CDCA2: variants seen among roughly 807,000 people sequenced by gnomAD.
The protein encoded by CDCA2 is cell division cycle-associated protein 2.
In CDCA2, 44 loss-of-function variants were observed where a neutral mutation model predicts 67.0. The observed-to-expected ratio is 0.66, with a 90% CI of 0.52 to 0.84. The LOEUF is 0.84. Ranked by LOEUF, CDCA2 falls within the 40% of genes least tolerant of loss-of-function variation. The pLI, the probability that CDCA2 is intolerant of heterozygous loss-of-function variation, is 0.00. For missense variants in CDCA2, 1,253 were observed against 1,203.2 expected, an observed-to-expected ratio of 1.04 and a Z score of -0.61; for synonymous variants, 447 against 418.7, an observed-to-expected ratio of 1.07 and a Z score of -0.82.
rs1395583403 is a variant in CDCA2 at position 25,462,155 on chromosome 8, C to T, written c.334C>T (p.Gln112Ter). 1 of 1,614,156 alleles carries T rather than the reference C, an allele frequency of 6.2e-7. No homozygotes were observed. The highest frequency in any genetic ancestry group is 1.7e-5 in the Admixed American group (1 of 60,024). The change falls in exon 4 of 15, where the codon CAA becomes TAA. Residue 112 changes from glutamine (Q) to a stop codon, truncating the protein, a stop_gained. Transcript: ENST00000330560. LOFTEE classifies it high-confidence loss of function. The part of the protein sequence containing the change: ...NHLIRFIARQ[Q>*]NIKNARKSPL... ...TCTGATTCGTTTCATTGCTCGGCAGCAAAATATAAAGAATGCTAGGAAATC... is the reference window on the plus strand; with the variant it reads ...TCTGATTCGTTTCATTGCTCGGCAGTAAAATATAAAGAATGCTAGGAAATC...
intron 13 of CDCA2, among the ~76,000 whole-genome samples, chr8:25,494,617 T>C (rs1319078767): frequency 6.6e-6 from 1 of 152,216 alleles, no homozygotes; most frequent in Non-Finnish European, 1.5e-5. Flanking sequence ...TGACTGTGTT[T>C]ACTGTTAAAA....
At position 25,480,047 on chromosome 8, in the gene CDCA2, C is replaced by T; in HGVS notation, c.955C>T (p.Leu319Phe). The T allele has an allele frequency of 6.2e-7, 1 of 1,614,154 alleles. No homozygotes were observed. The highest frequency in any genetic ancestry group is 1.1e-5 in the South Asian group (1 of 91,078). ...SPATPACRRD[L>F]PTPKTFVLRS... ...AGCTACTCCAGCCTGCAGGAGGGAC[C>T]TTCCCACCCCCAAGACCTTTGTACT... The change falls in exon 8 of 15, where the codon CTT becomes TTT. Residue 319 changes from leucine to phenylalanine, a missense_variant. Transcript: ENST00000330560.
chr8:25,473,337 C>T (rs1803231487), intron 7 of CDCA2, among the ~76,000 whole-genome samples: 5 of 152,162 alleles, frequency 3.3e-5, no homozygotes, highest in Non-Finnish European at 7.4e-5. Flanking sequence ...GAAGAACATT[C>T]TGTTCCTAGT....
In CDCA2 at chr8:25,462,171, C is replaced by T. The variant is rs1802720195; in HGVS notation, c.350C>T (p.Ala117Val). ...FIARQQNIKN[A>V]RKSPLAQDSP... ...GCTCGGCAGCAAAATATAAAGAATG[C>T]TAGGAAATCTCCTTTGGCACAAGAT... The change falls in exon 4 of 15, where the codon GCT becomes GTT. Residue 117 changes from alanine (A) to valine (V), a missense_variant. Physicochemically the swap from Ala to Val is moderately conservative, Grantham distance 64 (BLOSUM62 0). Transcript: ENST00000330560. The T allele has an allele frequency of 1.2e-6, 2 of 1,614,006 alleles. No individual in the cohort carries two copies. The highest frequency in any genetic ancestry group is 8.5e-7 in the Non-Finnish European group (1 of 1,179,970).
chr8:25,460,581 A>G (rs766200457), intron 3 of CDCA2, 27 bp downstream of exon 3: 3 of 1,590,616 alleles, frequency 1.9e-6, no homozygotes, highest in Non-Finnish European at 1.7e-6. Flanking sequence ...TTCTGTTGTA[A>G]TGCTTTTCAA....
chr8:25,486,114 G>GT (rs141915914), intron 11 of CDCA2, among the ~76,000 whole-genome samples: 3,735 of 152,264 alleles, frequency 0.025, 171 homozygotes, highest in African/African-American at 0.085. Context: ...CAACTCTTAA[G>GT]TATCAATGAC....
At chr8:25,482,974 G>A (rs1043433993) in intron 8 of CDCA2, among the ~76,000 whole-genome samples, 5 of 152,226 alleles carry the variant, frequency 3.3e-5, no homozygotes, top group Admixed American at 6.5e-5. Context: ...CAGGTTGTAT[G>A]TAAATAGTAT....
chr8:25,490,154 T>C (rs1363073600), intron 13 of CDCA2, among the ~76,000 whole-genome samples: 1 of 152,150 alleles, frequency 6.6e-6, no homozygotes, highest in East Asian at 1.9e-4. Flanking sequence ...ATACCATTAA[T>C]TCAAAAATAT....
In CDCA2 at chr8:25,469,911, G is replaced by C; in HGVS notation, c.751G>C (p.Gly251Arg). Residue 251 changes from glycine to arginine, a missense_variant, in exon 7 of 15, where the codon GGT becomes CGT. Physicochemically the swap from Gly to Arg is moderately radical, Grantham distance 125. Transcript: ENST00000330560. Reference protein sequence around the residue: ...VDLSEISSKLGSTQSGFLVEE... With the variant: ...VDLSEISSKLRSTQSGFLVEE... ...TTTCCCCAAGATATCATCTAAACTTGGTTCAACACAGTCTGGATTTTTAGT... is the reference window on the plus strand; with the variant it reads ...TTTCCCCAAGATATCATCTAAACTTCGTTCAACACAGTCTGGATTTTTAGT... 3 of 1,608,550 alleles carry C rather than the reference G, an allele frequency of 1.9e-6. No individual in the cohort carries two copies. The highest frequency in any genetic ancestry group is 2.6e-6 in the Non-Finnish European group (3 of 1,176,342).
At chr8:25,469,325 G>A (rs139338055) in intron 6 of CDCA2, among the ~76,000 whole-genome samples, 34 of 152,334 alleles carry the variant, frequency 2.2e-4, no homozygotes, top group African/African-American at 8.2e-4. Flanking sequence ...AATCTCGGCT[G>A]CCTCCGCCCT....
chr8:25,467,068 ACAC>A (rs1802941169), intron 5 of CDCA2, among the ~76,000 whole-genome samples: 17 of 105,784 alleles, frequency 1.6e-4, no homozygotes, highest in Non-Finnish European at 2.3e-4. Context: ...AAAAAAAAAC[ACAC>A]ACACACACAC....
intron 10 of CDCA2, among the ~76,000 whole-genome samples, chr8:25,485,377 A>G (rs1036654551): frequency 1.3e-5 from 2 of 152,084 alleles, no homozygotes; most frequent in Non-Finnish European, 2.9e-5. Context: ...ATCTGTATTT[A>G]TATTGCCATC....
intron 8 of CDCA2, among the ~76,000 whole-genome samples, chr8:25,481,742 G>A (rs1803580633): frequency 6.6e-6 from 1 of 152,140 alleles, no homozygotes; most frequent in Non-Finnish European, 1.5e-5. Flanking sequence ...TACTAAGATG[G>A]CAAAAATTAG....
At chr8:25,470,654 C>T (rs1803115726) in intron 7 of CDCA2, among the ~76,000 whole-genome samples, 1 of 152,104 alleles carries the variant, frequency 6.6e-6, no homozygotes, top group Non-Finnish European at 1.5e-5. Flanking sequence ...AGATCAATTT[C>T]CTCTCCTTTC....
At position 25,507,825 on chromosome 8, in the gene CDCA2, C is replaced by T. The variant is rs1177227179; in HGVS notation, c.*87C>T. 1 of 1,375,204 alleles carries T rather than the reference C, an allele frequency of 7.3e-7. No homozygotes were observed. Among genetic ancestry groups the T allele is most frequent in the Non-Finnish European group, 9.6e-7 (1 of 1,045,848 alleles). 85.2% of individuals were successfully genotyped at this position (1,375,204 alleles called of 1,614,324 possible). A position where few individuals can be genotyped will look rare whatever the true frequency, so the allele number is the denominator to read the frequency against. On this transcript the variant is annotated 3_prime_UTR_variant, in exon 15 of 15. Coordinates refer to ENST00000330560, the MANE Select transcript of CDCA2 (RefSeq NM_152562.4). ...GTCTAGTTCCCATTCTCTGTTCAAC[C>T]TCAGTGTTTCAAAAGTTCCTAATAA...
chr8:25,504,730 G>A (rs1804611540), intron 14 of CDCA2, among the ~76,000 whole-genome samples: 1 of 152,132 alleles, frequency 6.6e-6, no homozygotes, highest in African/African-American at 2.4e-5. Flanking sequence ...TTGTGACAGG[G>A]CATCCACCAC....
chr8:25,463,889 T>G (rs1430743461), intron 4 of CDCA2, among the ~76,000 whole-genome samples: 1 of 152,182 alleles, frequency 6.6e-6, no homozygotes, highest in Non-Finnish European at 1.5e-5. Flanking sequence ...CTGTTTCCAC[T>G]CAAGGCCTTG....
rs1337019491 is a variant in CDCA2 at position 25,480,057 on chromosome 8, C to G, written c.965C>G (p.Pro322Arg). ...GCCTGCAGGAGGGACCTTCCCACCCCCAAGACCTTTGTACTTCGTTCTGTA... is the reference window on the plus strand; with the variant it reads ...GCCTGCAGGAGGGACCTTCCCACCCGCAAGACCTTTGTACTTCGTTCTGTA... The part of the protein sequence containing the change: ...TPACRRDLPT[P>R]KTFVLRSVLK... Residue 322 changes from proline (P) to arginine (R), a missense_variant, in exon 8 of 15, where the codon CCC becomes CGC. Physicochemically the swap from Pro to Arg is moderately radical, Grantham distance 103. Transcript: ENST00000330560. 2 of 1,614,140 alleles carry G rather than the reference C, an allele frequency of 1.2e-6. No homozygotes were observed. The highest frequency in any genetic ancestry group is 1.7e-5 in the Admixed American group (1 of 60,018).
Position 25,507,598 on chromosome 8 carries a change from T to G in CDCA2, c.2932T>G (p.Phe978Val), listed in dbSNP as rs772038995. ...SDEPGKRRKS[F>V]CISTLANTKA... ...TGAACCTGGTAAGAGGAGGAAGAGC[T>G]TTTGTATATCTACACTTGCAAATAC... Residue 978 changes from phenylalanine to valine, a missense_variant, in exon 15 of 15, where the codon TTT becomes GTT. Physicochemically the swap from Phe to Val is conservative, Grantham distance 50 (BLOSUM62 -1). Coordinates refer to ENST00000330560, the MANE Select transcript of CDCA2 (RefSeq NM_152562.4). The G allele has an allele frequency of 6.2e-7, 1 of 1,613,940 alleles. No individual in the cohort carries two copies. Among genetic ancestry groups the G allele is most frequent in the Non-Finnish European group, 8.5e-7 (1 of 1,180,016 alleles).
Sources: gnomAD v4.1 joint callset for allele counts (sites outside exome capture counted in the v4.1 genomes callset) on GRCh38, gnomAD v4.1.1 for gene constraint, MANE v1.5 for transcripts, NCBI Gene and HGNC (gene_info 2026-07-23, HGNC 2026-07-21) for gene names.